Variants in DYNC1H1 observed in about 807,000 individuals in gnomAD.
DYNC1H1 encodes the protein dynein cytoplasmic 1 heavy chain 1, also known as cytoplasmic dynein 1 heavy chain 1.
In DYNC1H1, 51 loss-of-function variants were observed where a neutral mutation model predicts 527.1. The observed-to-expected ratio is 0.10, with a 90% confidence interval of 0.08 to 0.12. The LOEUF (loss-of-function observed/expected upper bound fraction) is 0.12. Ranked by LOEUF, DYNC1H1 falls within the 10% of genes least tolerant of loss-of-function variation. The probability of loss-of-function intolerance (pLI) is 1.00; values close to 1 mark genes in which losing one functional copy is unlikely to be tolerated. For missense variants in DYNC1H1, 2,771 were observed against 5,971.8 expected (o/e 0.46, Z 17.66); for synonymous variants, 2,189 against 2,278.8 (o/e 0.96, Z 1.12).
rs112772348 is a variant in DYNC1H1, at chr14:102,027,582, C to T, written c.9049-37C>T. The T allele has an allele frequency of 6.4e-5, 103 of 1,614,132 alleles. 3 individuals carry two copies. Among genetic ancestry groups the T allele is most frequent in the East Asian group, 4.9e-4 (22 of 44,888 alleles). ...CGTGTTGCGTTGCATTACGTGTTAC[C>T]GGGGGACCAGTAAGTCAGCACTGTG... On this transcript the variant is annotated intron_variant, in intron 46 of 77. Transcript: ENST00000360184. This position sits in a 1 kb window ranked among gnomAD's most constrained non-coding sequence, Gnocchi z 7.7.
chr14:101,967,999 C>T (rs1483207963), intron 1 of DYNC1H1, among the ~76,000 whole-genome samples: 1 of 152,188 alleles, frequency 6.6e-6, no homozygotes, highest in Admixed American at 6.5e-5. Context: ...AAATTGTCTT[C>T]CTCATAGTAT....
Position 102,044,817 on chromosome 14 carries a change from C to G in DYNC1H1, c.13006+119C>G. ...GTGCACTGCTGTCCCAGGGCCCTCC[C>G]TGGTTATGCTGGGTGTGGCTCTGTC... is the stretch of plus-strand genomic sequence containing the variant. On this transcript the variant is annotated intron_variant, in intron 72 of 77. Coordinates refer to ENST00000360184, the MANE Select transcript of DYNC1H1 (RefSeq NM_001376.5). This position sits in a 1 kb window ranked among gnomAD's most constrained non-coding sequence, Gnocchi z 7.1. 8.5e-7 allele frequency: 1 copy of G among 1,174,176 alleles called. No individual in the cohort carries two copies. 72.7% of individuals were successfully genotyped at this position (1,174,176 alleles called of 1,614,324 possible). A position where few individuals can be genotyped will look rare whatever the true frequency, so the allele number is the denominator to read the frequency against.
chr14:102,039,775 G>A lies in DYNC1H1; in HGVS notation c.11690+43G>A, dbSNP rs1388504237. 6.3e-7 allele frequency: 1 copy of A among 1,597,330 alleles called. No individual in the cohort carries two copies. The highest frequency in any genetic ancestry group is 1.1e-5 in the South Asian group (1 of 90,740). On this transcript the variant is annotated intron_variant, in intron 62 of 77. Transcript: ENST00000360184. The surrounding 1 kb of genome is among the most constrained non-coding windows in gnomAD (Gnocchi z 7.0). ...CACAGGAGGATGCCATATTGCTGGTGGCCCCCAAGGGTTTCATGATCAGAT... is the reference window on the plus strand; with the variant it reads ...CACAGGAGGATGCCATATTGCTGGTAGCCCCCAAGGGTTTCATGATCAGAT...
At chr14:102,050,044 G>A in intron 76 of DYNC1H1, 27 bp from the exon 77 acceptor site, 1 of 1,524,674 alleles carries the variant, frequency 6.6e-7, no homozygotes, top group Non-Finnish European at 8.8e-7. Flanking sequence ...GTTCACCTCA[G>A]CCTGGGTTTT....
In DYNC1H1 at chr14:102,049,563, G is replaced by A; in HGVS notation, c.13496G>A (p.Gly4499Asp). ...AACATCTCACTGGCAGCTGCATCTG[G>A]TGGCGCCAAGGAGCTAAAGGTGAAG... ...LQNISLAAAS[G>D]GAKELKNIHV... The change falls in exon 75 of 78, where the codon GGT (glycine) becomes GAT (aspartate). Residue 4499 changes from glycine to aspartate, a missense_variant. Physicochemically the swap from Gly to Asp is moderately conservative, Grantham distance 94. This residue lies in a region of DYNC1H1 where 170 missense variants were observed against 249.8 expected (regional missense o/e 0.68). Coordinates refer to ENST00000360184, the MANE Select transcript of DYNC1H1 (RefSeq NM_001376.5). This position sits in a 1 kb window ranked among gnomAD's most constrained non-coding sequence, Gnocchi z 5.5. 1 of 1,614,116 alleles carries A rather than the reference G, an allele frequency of 6.2e-7. No individual in the cohort carries two copies. Among genetic ancestry groups the A allele is most frequent in the Non-Finnish European group, 8.5e-7 (1 of 1,180,032 alleles).
In DYNC1H1 at chr14:102,012,099, A is replaced by G. The variant is rs2048264732; in HGVS notation, c.6843A>G (p.Thr2281=). The stretch of plus-strand genomic sequence containing the variant: ...GGGAATGGACAGATGGGCTCTTCAC[A>G]CACGTGCTGAGAAAGTACGTCTTCT... ...NTREWTDGLF[T]HVLRKIIDSV... The change falls in exon 33 of 78, where the codon ACA becomes ACG. Residue 2281 remains threonine (T), a synonymous_variant. Coordinates refer to ENST00000360184, the MANE Select transcript of DYNC1H1 (RefSeq NM_001376.5). This position sits in a 1 kb window ranked among gnomAD's most constrained non-coding sequence, Gnocchi z 4.9. 6.2e-7 allele frequency: 1 copy of G among 1,614,156 alleles called. No homozygotes were observed. Among genetic ancestry groups the G allele is most frequent in the Non-Finnish European group, 8.5e-7 (1 of 1,180,024 alleles).
At chr14:102,009,505 C>CTTT in intron 29 of DYNC1H1, 20 of 257,656 alleles carry the variant, frequency 7.8e-5, no homozygotes, top group Non-Finnish European at 1.0e-4. Context: ...GCATTTATTC[C>CTTT]TTTTTTTTTT....
chr14:101,978,829 C>A (rs2047830618), intron 2 of DYNC1H1, among the ~76,000 whole-genome samples: 2 of 152,102 alleles, frequency 1.3e-5, no homozygotes, highest in Admixed American at 6.6e-5. Flanking sequence ...TAAGCAAAGG[C>A]ACAAAGCACG....
intron 27 of DYNC1H1, 90 bp from the exon 28 acceptor site, chr14:102,006,918 A>G (rs2048203792): frequency 6.9e-7 from 1 of 1,446,926 alleles, no homozygotes; most frequent in African/African-American, 1.4e-5. Flanking sequence ...GATTTTTTAA[A>G]TGAGTTGCTT....
rs192523964 is a variant in DYNC1H1 at position 101,979,995 on chromosome 14, G to A, written c.774+21G>A. ...AAAAAGTAAGAGCACAGGATTGAAA[G>A]TTATGTAAAATATGTTACTCTTTAA... is the stretch of plus-strand genomic sequence containing the variant. On this transcript the variant is annotated intron_variant, in intron 4 of 77. Transcript: ENST00000360184. The surrounding 1 kb of genome is among the most constrained non-coding windows in gnomAD (Gnocchi z 4.6). 2.4e-4 allele frequency: 392 copies of A among 1,614,132 alleles called. 2 individuals are homozygous for A. The African/African-American group carries it at 4.8e-3, about 20-fold the overall frequency.
intron 1 of DYNC1H1, among the ~76,000 whole-genome samples, chr14:101,969,821 T>C (rs1315977518): frequency 6.6e-6 from 1 of 152,258 alleles, no homozygotes; most frequent in Non-Finnish European, 1.5e-5. Context: ...TTATCACTTC[T>C]TTTTAAAAAC....
chr14:101,996,952 C>T, intron 15 of DYNC1H1, 83 bp from the exon 16 acceptor site: 5 of 1,536,870 alleles, frequency 3.3e-6, no homozygotes, highest in Non-Finnish European at 4.4e-6. Context: ...CTATAAAGTG[C>T]CTTCTCTTTC....
rs1398187913 is a variant in DYNC1H1, at chr14:102,042,450, T to C, written c.12342T>C (p.His4114=). ...GWLMQLEKKL[H]SLQPHACFRL... The stretch of plus-strand genomic sequence containing the variant: ...TGATGCAGCTGGAGAAGAAGTTGCA[T>C]TCCCTGCAGCCGCATGCCTGCTTCC... Residue 4114 remains histidine, a synonymous_variant, in exon 68 of 78, where the codon CAT becomes CAC. Transcript: ENST00000360184. The surrounding 1 kb of genome is among the most constrained non-coding windows in gnomAD (Gnocchi z 5.7). The C allele has an allele frequency of 6.2e-7, 1 of 1,613,930 alleles. No individual in the cohort carries two copies. Among genetic ancestry groups the C allele is most frequent in the Non-Finnish European group, 8.5e-7 (1 of 1,180,000 alleles).
chr14:102,034,619 T>C (rs2048550129), intron 56 of DYNC1H1, 167 bp downstream of exon 56: 7 of 1,109,888 alleles, frequency 6.3e-6, no homozygotes, highest in Non-Finnish European at 7.9e-6. Context: ...CTGTTCTCGT[T>C]ATTGTCAAGT....
intron 64 of DYNC1H1, 46 bp downstream of exon 64, chr14:102,040,719 G>T (rs1163564816): frequency 6.2e-7 from 1 of 1,609,750 alleles, no homozygotes; most frequent in Admixed American, 1.7e-5. Flanking sequence ...TGTAAAGTTG[G>T]GTTTTGCTGC....
chr14:101,978,280 G>A (rs928402354), intron 2 of DYNC1H1, among the ~76,000 whole-genome samples: 15 of 152,220 alleles, frequency 9.9e-5, no homozygotes, highest in African/African-American at 3.6e-4. Flanking sequence ...GAAGTTATCC[G>A]CCTGCCTCGG....
At chr14:102,040,951 T>TG (rs1237141113) in intron 64 of DYNC1H1, 2 of 517,850 alleles carry the variant, frequency 3.9e-6, no homozygotes, top group Non-Finnish European at 7.0e-6. Flanking sequence ...GACAGAGGCC[T>TG]GTCTGTGAAT....
At chr14:102,040,519 G>A (rs534168037) in intron 63 of DYNC1H1, 79 bp from the exon 64 acceptor site, 18 of 1,609,844 alleles carry the variant, frequency 1.1e-5, no homozygotes, top group East Asian at 2.2e-5. Flanking sequence ...GCGCTCTCGC[G>A]TCAGACTCTC....
rs1175045756 is a variant in DYNC1H1, at chr14:102,044,053, TG to T, written c.12684+11del. The T allele has an allele frequency of 1.2e-6, 2 of 1,613,310 alleles. No individual in the cohort carries two copies. The highest frequency in any genetic ancestry group is 1.7e-6 in the Non-Finnish European group (2 of 1,180,030). ...CTGGATGACACGGCCAAGGCAAGTG[TG>T]GGCCATGCCAGGACAGACAGTGGAC... is the stretch of plus-strand genomic sequence containing the variant. On this transcript the variant is annotated intron_variant, in intron 70 of 77. Coordinates refer to ENST00000360184, the MANE Select transcript of DYNC1H1 (RefSeq NM_001376.5). This position sits in a 1 kb window ranked among gnomAD's most constrained non-coding sequence, Gnocchi z 7.1.
Sources: gnomAD v4.1 joint callset for allele counts (sites outside exome capture counted in the v4.1 genomes callset) on GRCh38, gnomAD v4.1.1 for gene constraint, gnomAD v4.1.1 regional missense constraint, Gnocchi (gnomAD v3.1) non-coding constraint, MANE v1.5 for transcripts, NCBI Gene and HGNC (gene_info 2026-07-23, HGNC 2026-07-21) for gene names.